SLC35F4: variants seen among roughly 807,000 people sequenced by gnomAD.
SLC35F4 encodes chromosome 14 open reading frame 36.
SLC35F4 carries 24 observed loss-of-function variants against 44.2 expected under a neutral mutation model. That is an observed-to-expected ratio of 0.54 (90% CI 0.39 to 0.76). SLC35F4 has a LOEUF of 0.76. Ranked by LOEUF, SLC35F4 falls within the 30% of genes least tolerant of loss-of-function variation. The pLI is 0.00. For synonymous variants in SLC35F4, 238 were observed against 223.6 expected (o/e 1.06, Z -0.57); for missense variants, 562 against 586.1 (o/e 0.96, Z 0.42).
intron 1 of SLC35F4, among the ~76,000 whole-genome samples, chr14:57,953,827 G>A (rs535610636): frequency 6.6e-6 from 1 of 152,236 alleles, no homozygotes; most frequent in South Asian, 2.1e-4. Context: ...CAATAATAGT[G>A]GGAGACTTTA....
intron 1 of SLC35F4, among the ~76,000 whole-genome samples, chr14:57,827,654 C>T (rs1252347256): frequency 1.3e-5 from 2 of 151,874 alleles, no homozygotes; most frequent in African/African-American, 4.8e-5. Context: ...ACCCGTTGTC[C>T]ACTGACAACC....
chr14:57,674,728 A>G (rs1436097649), intron 1 of SLC35F4, among the ~76,000 whole-genome samples: 1 of 152,056 alleles, frequency 6.6e-6, no homozygotes, highest in African/African-American at 2.4e-5. Flanking sequence ...CAGAGAAAAA[A>G]TGACTTTATT....
intron 1 of SLC35F4, among the ~76,000 whole-genome samples, chr14:57,820,913 T>C (rs553501776): frequency 2.6e-5 from 4 of 152,362 alleles, no homozygotes; most frequent in South Asian, 4.1e-4. Flanking sequence ...GAAGTGTCTG[T>C]TAACAAAAAG....
chr14:57,769,450 A>G (rs1240338251), intron 1 of SLC35F4, among the ~76,000 whole-genome samples: 1 of 152,226 alleles, frequency 6.6e-6, no homozygotes, highest in Non-Finnish European at 1.5e-5. Flanking sequence ...TGGGGTGTGA[A>G]TCTGTGCAGG....
chr14:57,926,686 A>G (rs1311268480), intron 1 of SLC35F4, among the ~76,000 whole-genome samples: 2 of 132,770 alleles, frequency 1.5e-5, no homozygotes, highest in East Asian at 4.6e-4. Flanking sequence ...TATCTTTACC[A>G]TTCCTTTTAT....
intron 1 of SLC35F4, among the ~76,000 whole-genome samples, chr14:57,979,809 G>C (rs1881324640): frequency 6.6e-6 from 1 of 151,506 alleles, no homozygotes; most frequent in Admixed American, 6.6e-5. Flanking sequence ...TGAGTTGCTG[G>C]AGTCAGCTGA....
At chr14:57,588,018 C>G (rs1302545743) in intron 3 of SLC35F4, among the ~76,000 whole-genome samples, 3 of 151,560 alleles carry the variant, frequency 2.0e-5, no homozygotes. Flanking sequence ...AAACCCATCT[C>G]TACTAAAAAT....
chr14:57,887,754 G>T (rs1310515044), intron 1 of SLC35F4, among the ~76,000 whole-genome samples: 1 of 152,154 alleles, frequency 6.6e-6, no homozygotes, highest in African/African-American at 2.4e-5. Context: ...GCTCCTGTCA[G>T]CCTGTGCACA....
chr14:57,628,878 T>C lies in SLC35F4; in HGVS notation c.104-34754A>G, dbSNP rs189414237. On this transcript the variant is annotated intron_variant, in intron 1 of 7. Transcript: ENST00000556826. Reference sequence around the variant, plus strand: ...GTGATTTTCATTTCAAAACTGCCAATTGTATACGTAGAAATCATAATTAGG... The same window carrying C: ...GTGATTTTCATTTCAAAACTGCCAACTGTATACGTAGAAATCATAATTAGG... Among the ~76,000 whole-genome samples, 4 of 152,206 alleles carry C rather than the reference T, an allele frequency of 2.6e-5. No individual in the cohort carries two copies. The East Asian group carries it at 5.8e-4, about 22-fold the overall frequency.
At chr14:57,753,916 T>G (rs1266085439) in intron 1 of SLC35F4, among the ~76,000 whole-genome samples, 1 of 152,046 alleles carries the variant, frequency 6.6e-6, no homozygotes, top group Non-Finnish European at 1.5e-5. Flanking sequence ...CTGAGCAGCC[T>G]TGAAAGAAAG....
intron 1 of SLC35F4, among the ~76,000 whole-genome samples, chr14:57,848,545 T>C (rs527838539): frequency 6.6e-6 from 1 of 152,328 alleles, no homozygotes; most frequent in East Asian, 1.9e-4. Flanking sequence ...AAAGCCCAGC[T>C]GATTAACGGT....
chr14:57,732,528 G>A, intron 1 of SLC35F4, among the ~76,000 whole-genome samples: 1 of 152,088 alleles, frequency 6.6e-6, no homozygotes, highest in Non-Finnish European at 1.5e-5. Flanking sequence ...ATCATCATAA[G>A]ATTTATAAAT....
chr14:57,899,006 A>G (rs1428496790), intron 1 of SLC35F4, among the ~76,000 whole-genome samples: 1 of 152,130 alleles, frequency 6.6e-6, no homozygotes, highest in African/African-American at 2.4e-5. Flanking sequence ...CTAAGCTCTC[A>G]AAATTCCTAA....
chr14:57,811,223 G>A (rs1179254649), intron 1 of SLC35F4, among the ~76,000 whole-genome samples: 1 of 152,174 alleles, frequency 6.6e-6, no homozygotes, highest in Non-Finnish European at 1.5e-5. Context: ...AGTTTAGAAA[G>A]GTGGGGAAAG....
intron 1 of SLC35F4, among the ~76,000 whole-genome samples, chr14:57,763,684 C>T (rs747700123): frequency 6.6e-6 from 1 of 152,152 alleles, no homozygotes; most frequent in Non-Finnish European, 1.5e-5. Context: ...TTACAAAGCA[C>T]AGATGTATAA....
intron 1 of SLC35F4, among the ~76,000 whole-genome samples, chr14:57,778,963 T>C (rs1244861277): frequency 6.6e-6 from 1 of 152,080 alleles, no homozygotes; most frequent in African/African-American, 2.4e-5. Flanking sequence ...TCTTGGACAC[T>C]GATAAAGCAG....
chr14:57,866,319 CAT>C (rs1462047271), upstream of SLC35F4, among the ~76,000 whole-genome samples: 1 of 152,128 alleles, frequency 6.6e-6, no homozygotes, highest in African/African-American at 2.4e-5. Flanking sequence ...AAGAGGGACT[CAT>C]AGCTGTTAAT....
chr14:57,749,542 T>C (rs989536367), intron 1 of SLC35F4, among the ~76,000 whole-genome samples: 1 of 152,092 alleles, frequency 6.6e-6, no homozygotes, highest in African/African-American at 2.4e-5. Flanking sequence ...AATGGGTCTT[T>C]CCCTACAGAT....
intron 1 of SLC35F4, among the ~76,000 whole-genome samples, chr14:57,854,158 A>C (rs1886854751): frequency 2.6e-5 from 4 of 152,226 alleles, no homozygotes; most frequent in Non-Finnish European, 4.4e-5. Context: ...ACTACACTAC[A>C]GTTTATATTT....
Sources: allele counts gnomAD v4.1 joint callset (sites outside exome capture counted in the v4.1 genomes callset), GRCh38; gene constraint gnomAD v4.1.1; transcripts MANE v1.5; gene names NCBI Gene and HGNC (gene_info 2026-07-23, HGNC 2026-07-21).